Variants in TMCC1 observed in about 807,000 individuals in gnomAD.
The protein encoded by TMCC1 is transmembrane and coiled-coil domain family 1, also known as transmembrane and coiled-coil domains protein 1.
Under a neutral mutation model 52.4 loss-of-function variants are expected in TMCC1, and 15 were observed. That is an observed-to-expected ratio of 0.29 (90% CI 0.19 to 0.44). The LOEUF is 0.44. Among genes scored for constraint, TMCC1 ranks in the 20% least tolerant of loss-of-function variants. TMCC1 has a pLI of 1.00. For missense variants in TMCC1, 503 were observed against 806.0 expected (o/e 0.62, Z 4.55); for synonymous variants, 279 against 301.9 (o/e 0.92, Z 0.79).
intron 1 of TMCC1, among the ~76,000 whole-genome samples, chr3:129,888,696 C>T (rs979838302): frequency 6.6e-6 from 1 of 152,192 alleles, no homozygotes; most frequent in Non-Finnish European, 1.5e-5. Flanking sequence ...GGAGGTAGAA[C>T]ATAACTCATC....
chr3:129,699,570 C>A lies in TMCC1; in HGVS notation c.577-28306G>T, dbSNP rs1165161710. 3.4e-5 allele frequency among the ~76,000 whole-genome samples: 5 copies of A among 147,572 alleles called. No individual in the cohort carries two copies. In the East Asian group the frequency reaches 7.7e-4, roughly 23 times the overall value. Reference sequence around the variant, plus strand: ...CACTGCTGTCTATGGAGCGGCTATTCTTTTATTCCTTTACTTTCTTAATAA... The same window carrying A: ...CACTGCTGTCTATGGAGCGGCTATTATTTTATTCCTTTACTTTCTTAATAA... On this transcript the variant is annotated intron_variant, in intron 4 of 6. Coordinates refer to ENST00000393238, the MANE Select transcript of TMCC1 (RefSeq NM_001017395.5).
intron 1 of TMCC1, among the ~76,000 whole-genome samples, chr3:129,888,913 A>G (rs765706527): frequency 3.3e-5 from 5 of 152,184 alleles, no homozygotes; most frequent in Non-Finnish European, 7.3e-5. Context: ...TTCCAAAAGC[A>G]TATTACATTC....
At chr3:129,659,159 G>A (rs2086864205) in intron 5 of TMCC1, among the ~76,000 whole-genome samples, 1 of 149,424 alleles carries the variant, frequency 6.7e-6, no homozygotes, top group African/African-American at 2.5e-5. Flanking sequence ...GAGTGCAGTG[G>A]TGCAATCATG....
intron 2 of TMCC1, among the ~76,000 whole-genome samples, chr3:129,876,998 A>C (rs1456514314): frequency 1.3e-5 from 2 of 152,174 alleles, no homozygotes; most frequent in Admixed American, 6.5e-5. Context: ...TCCTCAAAGT[A>C]AATTTTCCAA....
chr3:129,847,423 T>C (rs1361373877), intron 2 of TMCC1: 1 of 152,250 alleles, frequency 6.6e-6, no homozygotes, highest in South Asian at 2.1e-4. Context: ...GTTCTCCAAG[T>C]ACATACAATG....
At chr3:129,727,057 C>T (rs1047719799) in intron 4 of TMCC1, among the ~76,000 whole-genome samples, 3 of 151,792 alleles carry the variant, frequency 2.0e-5, no homozygotes, top group African/African-American at 7.3e-5. Context: ...TACCCTCCTA[C>T]AATCTTGTTC....
chr3:129,843,939 C>G (rs908384678), intron 2 of TMCC1, among the ~76,000 whole-genome samples: 1 of 146,846 alleles, frequency 6.8e-6, no homozygotes, highest in African/African-American at 2.5e-5. Flanking sequence ...ACTCTGCATG[C>G]AGACCAGTAT....
intron 4 of TMCC1, among the ~76,000 whole-genome samples, chr3:129,784,984 TA>T (rs534593706): frequency 1.3e-5 from 2 of 151,782 alleles, no homozygotes; most frequent in Admixed American, 6.6e-5. Flanking sequence ...TCATCTCTTT[TA>T]AAAAAAACAA....
At position 129,770,154 on chromosome 3, in the gene TMCC1, T is replaced by C. The variant is rs2054438931; in HGVS notation, c.576+57649A>G. On this transcript the variant is annotated intron_variant, in intron 4 of 6. Transcript: ENST00000393238. ...AACTATCTGGGGCTTCAAGGGATCTTGTATTTATCTCAGGTCCAATTAAAG... is the reference window on the plus strand; with the variant it reads ...AACTATCTGGGGCTTCAAGGGATCTCGTATTTATCTCAGGTCCAATTAAAG... Among the ~76,000 whole-genome samples, 3 of 152,178 alleles carry C rather than the reference T, an allele frequency of 2.0e-5. 1 individual carries two copies. In the South Asian group the frequency reaches 6.2e-4, roughly 31 times the overall value.
intron 4 of TMCC1, among the ~76,000 whole-genome samples, chr3:129,818,435 T>G (rs1469735543): frequency 6.8e-6 from 1 of 146,190 alleles, no homozygotes; most frequent in Non-Finnish European, 1.5e-5. Context: ...TAAAGAAACT[T>G]TTAAAGAAAA....
At chr3:129,831,476 C>T (rs2058909431) in intron 3 of TMCC1, among the ~76,000 whole-genome samples, 1 of 152,150 alleles carries the variant, frequency 6.6e-6, no homozygotes, top group Admixed American at 6.6e-5. Flanking sequence ...GAGCTTTAAA[C>T]ATCAAGTTTT....
chr3:129,820,074 C>T (rs2058341821), intron 4 of TMCC1, among the ~76,000 whole-genome samples: 2 of 148,308 alleles, frequency 1.3e-5, no homozygotes, highest in African/African-American at 5.0e-5. Flanking sequence ...GAGCCTTCTC[C>T]TTGAACTATC....
intron 4 of TMCC1, among the ~76,000 whole-genome samples, chr3:129,748,890 C>A (rs550537073): frequency 2.0e-5 from 3 of 152,164 alleles, no homozygotes. Flanking sequence ...GTAATCCCAG[C>A]TACTCAGGAG....
chr3:129,829,419 C>A (rs2058802462), intron 3 of TMCC1, among the ~76,000 whole-genome samples: 1 of 76,222 alleles, frequency 1.3e-5, no homozygotes, highest in African/African-American at 5.0e-5. Flanking sequence ...GATGTAAAAT[C>A]AACGCAACTG....
intron 4 of TMCC1, among the ~76,000 whole-genome samples, chr3:129,826,226 A>T (rs1271968982): frequency 6.6e-6 from 1 of 151,852 alleles, no homozygotes; most frequent in African/African-American, 2.4e-5. Context: ...TATAGGCTGG[A>T]CACGGTGGCT....
chr3:129,708,468 T>C lies in TMCC1; in HGVS notation c.577-37204A>G, dbSNP rs535458842. 2.0e-5 allele frequency among the ~76,000 whole-genome samples: 3 copies of C among 152,372 alleles called. No homozygotes were observed. In the South Asian group the frequency reaches 6.2e-4, roughly 32 times the overall value. ...GCATCCTGTTTGCTTTTTCTTTAAC[T>C]GAAAACTGTTAAAAATAATTGCCCT... is the stretch of plus-strand genomic sequence containing the variant. On this transcript the variant is annotated intron_variant, in intron 4 of 6. Transcript: ENST00000393238.
chr3:129,731,001 T>C (rs1317640298), intron 4 of TMCC1, among the ~76,000 whole-genome samples: 1 of 152,240 alleles, frequency 6.6e-6, no homozygotes, highest in Non-Finnish European at 1.5e-5. Flanking sequence ...GGAACTCATT[T>C]TATGAAGCCA....
chr3:129,661,430 A>G (rs1483861966), intron 5 of TMCC1, among the ~76,000 whole-genome samples: 1 of 152,160 alleles, frequency 6.6e-6, no homozygotes, highest in Non-Finnish European at 1.5e-5. Context: ...TGTCTCAAAC[A>G]AACAGAAAAA....
intron 4 of TMCC1, among the ~76,000 whole-genome samples, chr3:129,673,400 T>C (rs2088131259): frequency 6.6e-6 from 1 of 152,210 alleles, no homozygotes; most frequent in African/African-American, 2.4e-5. Context: ...AGTATTTATG[T>C]TTAATAATTA....
Sources: allele counts gnomAD v4.1 joint callset (sites outside exome capture counted in the v4.1 genomes callset), GRCh38; gene constraint gnomAD v4.1.1; transcripts MANE v1.5; gene names NCBI Gene and HGNC (gene_info 2026-07-23, HGNC 2026-07-21).